The following CCDC33 variants were observed in gnomAD, a reference collection of about 807,000 sequenced individuals.
CCDC33 encodes the protein coiled-coil domain containing 33.
Under a neutral mutation model 91.9 loss-of-function variants are expected in CCDC33, and 94 were observed. The observed-to-expected ratio is 1.02, with a 90% CI of 0.87 to 1.21. CCDC33 has a LOEUF of 1.21. Among genes scored for constraint, CCDC33 ranks in the 50% most tolerant of loss-of-function variants. CCDC33 has a pLI of 0.00. For synonymous variants in CCDC33, 396 were observed against 374.5 expected, an observed-to-expected ratio of 1.06 and a Z score of -0.66; for missense variants, 940 against 935.5, an observed-to-expected ratio of 1.00 and a Z score of -0.06.
intron 2 of CCDC33, among the ~76,000 whole-genome samples, chr15:74,257,291 A>G (rs1025418081): frequency 1.3e-5 from 2 of 152,250 alleles, no homozygotes; most frequent in African/African-American, 2.4e-5. Flanking sequence ...CACAAGGACC[A>G]GCTGCCCTGC....
chr15:74,297,961 C>T (rs1196658885), intron 11 of CCDC33, among the ~76,000 whole-genome samples: 1 of 152,206 alleles, frequency 6.6e-6, no homozygotes, highest in Non-Finnish European at 1.5e-5. Flanking sequence ...GAAGCAGGAA[C>T]CACAAGCACC....
At chr15:74,279,520 G>GTTTA (rs528416631) in intron 7 of CCDC33, among the ~76,000 whole-genome samples, 27 of 152,046 alleles carry the variant, frequency 1.8e-4, no homozygotes, top group African/African-American at 3.9e-4. Flanking sequence ...GCATTTATTT[G>GTTTA]TTTATTTATT....
intron 10 of CCDC33, among the ~76,000 whole-genome samples, chr15:74,294,620 G>A (rs964362603): frequency 6.6e-6 from 1 of 151,938 alleles, no homozygotes; most frequent in Non-Finnish European, 1.5e-5. Context: ...GGTGGCGGAT[G>A]CCTGTAGTCC....
intron 2 of CCDC33, among the ~76,000 whole-genome samples, chr15:74,249,058 C>T (rs1435391312): frequency 1.3e-5 from 2 of 152,152 alleles, no homozygotes; most frequent in Non-Finnish European, 2.9e-5. Flanking sequence ...GCCTGCTTGT[C>T]GGCAGCCCCC....
In CCDC33 at chr15:74,253,645, C is replaced by T. The variant is rs534337436; in HGVS notation, c.186-8795C>T. Among the ~76,000 whole-genome samples, 3 of 152,300 alleles carry T rather than the reference C, an allele frequency of 2.0e-5. No homozygotes were observed. In the South Asian group the frequency reaches 6.2e-4, roughly 32 times the overall value. ...ATGCTTAGGGGATGTGCCACACAGT[C>T]AGCAGCAGTGGAGCCGGGAGCCAGA... On this transcript the variant is annotated intron_variant, in intron 2 of 18. Transcript: ENST00000398814.
intron 2 of CCDC33, among the ~76,000 whole-genome samples, chr15:74,257,449 C>T (rs1176879695): frequency 2.0e-5 from 3 of 152,206 alleles, no homozygotes; most frequent in African/African-American, 7.2e-5. Flanking sequence ...AGTCCCTGGG[C>T]ACAACCCCCT....
upstream of CCDC33, among the ~76,000 whole-genome samples, chr15:74,214,277 G>T (rs1211929639): frequency 6.6e-6 from 1 of 152,072 alleles, no homozygotes; most frequent in African/African-American, 2.4e-5. Flanking sequence ...AGACTGGAGG[G>T]CCCCATTAAG....
chr15:74,330,482 C>T (rs1238162581), intron 12 of CCDC33, 128 bp downstream of exon 12: 2 of 1,192,006 alleles, frequency 1.7e-6, no homozygotes, highest in African/African-American at 3.0e-5. Flanking sequence ...ATAGGAGCCC[C>T]TCGCCCACAG....
intron 2 of CCDC33, among the ~76,000 whole-genome samples, chr15:74,261,809 T>C (rs2142371630): frequency 6.6e-6 from 1 of 152,288 alleles, no homozygotes. Context: ...TGGAAAGCCC[T>C]TTCCACCACC....
In CCDC33 at chr15:74,295,827, A is replaced by G. The variant is rs2142606110; in HGVS notation, c.1169A>G (p.Lys390Arg). ...PTLDPKILDK[K>R]LRTIQESWSK... ...TTGGACCCCAAGATCCTGGATAAGA[A>G]GCTGAGAACCATCCAAGAGTCCTGG... Residue 390 changes from lysine to arginine, a missense_variant, in exon 11 of 19, where the codon AAG becomes AGG. Transcript: ENST00000398814. The G allele has an allele frequency of 1.2e-6, 2 of 1,614,166 alleles. No individual in the cohort carries two copies. The highest frequency in any genetic ancestry group is 4.5e-5 in the East Asian group (2 of 44,882).
chr15:74,209,012 T>C (rs909381448), intron 1 of CCDC33: 1 of 1,072,862 alleles, frequency 9.3e-7, no homozygotes. Context: ...CAGCACCTGC[T>C]TTAAAAGGTG....
chr15:74,307,764 G>T (rs150161838), intron 11 of CCDC33, among the ~76,000 whole-genome samples: 1,642 of 151,896 alleles, frequency 0.011, 16 homozygotes, highest in Middle Eastern at 0.051. Context: ...TCAAGCAGAA[G>T]CTAGCAAACT....
intron 5 of CCDC33, among the ~76,000 whole-genome samples, chr15:74,271,316 T>A (rs2076309372): frequency 6.6e-6 from 1 of 152,064 alleles, no homozygotes; most frequent in Non-Finnish European, 1.5e-5. Context: ...ACCAAGGAGC[T>A]GGAACACCTA....
chr15:74,282,348 C>G (rs2059385524), intron 10 of CCDC33, among the ~76,000 whole-genome samples: 1 of 152,148 alleles, frequency 6.6e-6, no homozygotes. Flanking sequence ...CAGTGCCGGA[C>G]TCACATCCCG....
chr15:74,283,404 A>G (rs1566997672), intron 10 of CCDC33, among the ~76,000 whole-genome samples: 1 of 152,116 alleles, frequency 6.6e-6, no homozygotes, highest in African/African-American at 2.4e-5. Flanking sequence ...TGGTCAGGGG[A>G]CTGACTAGTG....
At chr15:74,322,323 T>A (rs1433593733) in intron 11 of CCDC33, among the ~76,000 whole-genome samples, 1 of 152,194 alleles carries the variant, frequency 6.6e-6, no homozygotes, top group Non-Finnish European at 1.5e-5. Flanking sequence ...CAGCCAGGGC[T>A]GGGTGGGCCT....
At chr15:74,282,345 G>A (rs924986010) in intron 10 of CCDC33, among the ~76,000 whole-genome samples, 2 of 152,174 alleles carry the variant, frequency 1.3e-5, no homozygotes, top group African/African-American at 2.4e-5. Context: ...CTGCAGTGCC[G>A]GACTCACATC....
At chr15:74,259,562 T>G (rs1211784321) in intron 2 of CCDC33, among the ~76,000 whole-genome samples, 1 of 151,988 alleles carries the variant, frequency 6.6e-6, no homozygotes, top group Non-Finnish European at 1.5e-5. Flanking sequence ...AGTTGCTTTA[T>G]CTGCACTCAC....
At chr15:74,243,669 A>C (rs1230370127) in intron 1 of CCDC33, 2 of 467,400 alleles carry the variant, frequency 4.3e-6, no homozygotes, top group Admixed American at 4.7e-5. Flanking sequence ...AGAGGAGGCC[A>C]CTCAGGGCCA....
Sources: gnomAD v4.1 joint callset for allele counts (sites outside exome capture counted in the v4.1 genomes callset) on GRCh38, gnomAD v4.1.1 for gene constraint, MANE v1.5 for transcripts, NCBI Gene and HGNC (gene_info 2026-07-23, HGNC 2026-07-21) for gene names.